The following PACRG variants were observed in gnomAD, a reference collection of about 807,000 sequenced individuals.
PACRG encodes parkin coregulated.
PACRG carries 29 observed loss-of-function variants against 29.7 expected under a neutral mutation model. That is an observed-to-expected ratio of 0.98 (90% CI 0.73 to 1.33). PACRG has a LOEUF of 1.33. Ranked by LOEUF, PACRG falls within the 40% of genes most tolerant of loss-of-function variation. The probability of loss-of-function intolerance (pLI) is 0.00; values close to 1 mark genes in which losing one functional copy is unlikely to be tolerated. For synonymous variants in PACRG, 116 were observed against 118.7 expected, an observed-to-expected ratio of 0.98 and a Z score of 0.15; for missense variants, 279 against 316.2, an observed-to-expected ratio of 0.88 and a Z score of 0.89.
chr6:162,974,217 C>T (rs1383295234), intron 2 of PACRG, among the ~76,000 whole-genome samples: 1 of 152,200 alleles, frequency 6.6e-6, no homozygotes, highest in Admixed American at 6.5e-5. Context: ...CGGCTGCCAC[C>T]ATATGCCACC....
At position 163,284,049 on chromosome 6, in the gene PACRG, G is replaced by T. The variant is rs191139362; in HGVS notation, c.614-30778G>T. ...AATCGCTCAAACCCAAGAGGCAGAG[G>T]TTGCAGTGAGCCAAGATCAAACCAT... On this transcript the variant is annotated intron_variant, in intron 4 of 4. Coordinates refer to ENST00000366888, the MANE Select transcript of PACRG (RefSeq NM_001080379.2). Among the ~76,000 whole-genome samples, 1,335 of 152,090 alleles carry T rather than the reference G, an allele frequency of 8.8e-3. 11 individuals are homozygous for T. The highest frequency in any genetic ancestry group is 0.011 in the Non-Finnish European group (723 of 68,000).
At chr6:162,747,357 TATATATAC>T (rs1244401272) in intron 1 of PACRG, among the ~76,000 whole-genome samples, 3 of 68,486 alleles carry the variant, frequency 4.4e-5, no homozygotes, top group South Asian at 1.3e-3. Context: ...TATATATATA[TATATATAC>T]ACATACATAT....
intron 4 of PACRG, among the ~76,000 whole-genome samples, chr6:163,248,825 T>TAAC (rs1782791174): frequency 6.6e-6 from 1 of 152,036 alleles, no homozygotes; most frequent in African/African-American, 2.4e-5. Context: ...CCATCCTGGC[T>TAAC]AACATGGTGA....
chr6:162,830,056 T>C lies in PACRG; in HGVS notation c.291+15775T>C, dbSNP rs112675954. On this transcript the variant is annotated intron_variant, in intron 2 of 4. Coordinates refer to ENST00000366888, the MANE Select transcript of PACRG (RefSeq NM_001080379.2). ...GTGGTCCACTCTCAGAATGCTGTCATGGTTCAGAGCTGAGGGATTTAATAT... is the reference window on the plus strand; with the variant it reads ...GTGGTCCACTCTCAGAATGCTGTCACGGTTCAGAGCTGAGGGATTTAATAT... 1.9e-3 allele frequency among the ~76,000 whole-genome samples: 291 copies of C among 152,314 alleles called. 1 individual carries two copies. The highest frequency in any genetic ancestry group is 6.6e-3 in the African/African-American group (276 of 41,578).
intron 4 of PACRG, among the ~76,000 whole-genome samples, chr6:163,244,313 G>A (rs963094426): frequency 2.6e-5 from 4 of 151,876 alleles, no homozygotes; most frequent in Admixed American, 2.0e-4. Context: ...ACGTGTTTCC[G>A]TGTGAGCTTC....
intron 2 of PACRG, among the ~76,000 whole-genome samples, chr6:162,896,526 G>A (rs28712768): frequency 0.032 from 4,819 of 152,260 alleles, 241 homozygotes; most frequent in African/African-American, 0.11. Flanking sequence ...AGGCAAATCC[G>A]TGGTAAAATC....
At chr6:163,000,639 G>A (rs796817044) in intron 2 of PACRG, among the ~76,000 whole-genome samples, 3 of 152,286 alleles carry the variant, frequency 2.0e-5, no homozygotes, top group African/African-American at 7.2e-5. Flanking sequence ...ATCGCAGGGT[G>A]CCATGAGGAC....
Position 162,766,310 on chromosome 6 carries a change from A to AT in PACRG, c.156+37922dup, listed in dbSNP as rs553005089. 2.0e-5 allele frequency among the ~76,000 whole-genome samples: 3 copies of AT among 152,164 alleles called. No individual in the cohort carries two copies. The East Asian group carries it at 5.8e-4, about 29-fold the overall frequency. On this transcript the variant is annotated intron_variant, in intron 1 of 4. Transcript: ENST00000366888. ...TCACATGCAAGTGAGTGCATATGGT[A>AT]TTTGTTTCTCTGTGCCTGGCTTATT...
At chr6:163,152,877 C>G (rs1778156511) in intron 4 of PACRG, among the ~76,000 whole-genome samples, 1 of 152,132 alleles carries the variant, frequency 6.6e-6, no homozygotes, top group Non-Finnish European at 1.5e-5. Flanking sequence ...TGTGGGTCTC[C>G]CAGCATTCTC....
At chr6:162,749,987 A>T (rs1483124062) in intron 1 of PACRG, among the ~76,000 whole-genome samples, 1 of 151,942 alleles carries the variant, frequency 6.6e-6, no homozygotes, top group Non-Finnish European at 1.5e-5. Context: ...AATCCCCATA[A>T]TTTTTCCACT....
intron 2 of PACRG, among the ~76,000 whole-genome samples, chr6:162,952,259 A>G (rs1799708248): frequency 2.0e-5 from 3 of 152,202 alleles, no homozygotes; most frequent in Admixed American, 2.0e-4. Context: ...ACAGCACACT[A>G]TTGTAGGTCA....
chr6:162,995,151 A>T (rs1172842413), intron 2 of PACRG, among the ~76,000 whole-genome samples: 1 of 150,308 alleles, frequency 6.7e-6, no homozygotes. Context: ...CAAAGCTGTC[A>T]GACAGGGACA....
At chr6:163,180,961 C>T (rs752911808) in intron 4 of PACRG, among the ~76,000 whole-genome samples, 3 of 152,180 alleles carry the variant, frequency 2.0e-5, no homozygotes, top group Non-Finnish European at 4.4e-5. Flanking sequence ...ATGACATTGA[C>T]CCAGAGTCAC....
intron 2 of PACRG, among the ~76,000 whole-genome samples, chr6:162,905,417 A>T (rs1584718557): frequency 1.3e-5 from 2 of 152,202 alleles, no homozygotes; most frequent in South Asian, 4.1e-4. Flanking sequence ...AAAGGGAGAA[A>T]CCGTTTCTGT....
At chr6:163,119,803 T>C (rs868049513) in intron 4 of PACRG, among the ~76,000 whole-genome samples, 22 of 152,310 alleles carry the variant, frequency 1.4e-4, no homozygotes, top group Middle Eastern at 3.4e-3. Context: ...AAAAAGTTTC[T>C]CTCTTAATTT....
intron 2 of PACRG, among the ~76,000 whole-genome samples, chr6:162,873,039 C>T (rs1285508861): frequency 6.6e-6 from 1 of 152,188 alleles, no homozygotes; most frequent in East Asian, 1.9e-4. Flanking sequence ...CAGCCATTTA[C>T]AGTGCACATG....
rs574521974 is a variant in PACRG, at chr6:162,995,774, A to G, written c.292-66376A>G. On this transcript the variant is annotated intron_variant, in intron 2 of 4. Coordinates refer to ENST00000366888, the MANE Select transcript of PACRG (RefSeq NM_001080379.2). ...CCATCTTGGCTCCTAGTACTTCCTTATTTTTAAGCCTGAGTAATATCCTGT... is the reference window on the plus strand; with the variant it reads ...CCATCTTGGCTCCTAGTACTTCCTTGTTTTTAAGCCTGAGTAATATCCTGT... Among the ~76,000 whole-genome samples, 4 of 152,200 alleles carry G rather than the reference A, an allele frequency of 2.6e-5. No individual in the cohort carries two copies. The South Asian group carries it at 8.3e-4, about 32-fold the overall frequency.
chr6:163,194,672 G>T (rs1195723066), intron 4 of PACRG, among the ~76,000 whole-genome samples: 2 of 152,198 alleles, frequency 1.3e-5, no homozygotes, highest in African/African-American at 4.8e-5. Flanking sequence ...TTTGTAAGCG[G>T]TGGTTGCTTC....
chr6:163,192,699 G>T (rs1780269300), intron 4 of PACRG, among the ~76,000 whole-genome samples: 1 of 152,142 alleles, frequency 6.6e-6, no homozygotes. Context: ...TGACATGGAT[G>T]GCTTATGTGG....
Sources: allele counts gnomAD v4.1 joint callset (sites outside exome capture counted in the v4.1 genomes callset), GRCh38; gene constraint gnomAD v4.1.1; transcripts MANE v1.5; gene names NCBI Gene and HGNC (gene_info 2026-07-23, HGNC 2026-07-21).